The following ITSN2 variants were observed in gnomAD, a reference collection of about 807,000 sequenced individuals.
ITSN2 encodes the protein intersectin-2.
In ITSN2, 156 loss-of-function variants were observed where a neutral mutation model predicts 243.7. The observed-to-expected ratio is 0.64, with a 90% confidence interval of 0.56 to 0.73. ITSN2 has a LOEUF of 0.73. ITSN2 is among the 30% of genes least tolerant of loss of function. The pLI is 0.00. For synonymous variants in ITSN2, 703 were observed against 699.9 expected (o/e 1.00, Z -0.07); for missense variants, 1,801 against 1,996.1 (o/e 0.90, Z 1.86).
rs956324265 is a variant in ITSN2 at position 24,335,028 on chromosome 2, A to T, written c.-33-6913T>A. The T allele has an allele frequency of 1.5e-3, 270 of 174,302 alleles. 3 individuals are homozygous for T. The highest frequency in any genetic ancestry group is 7.3e-3 in the African/African-American group (267 of 36,428). 10.8% of individuals were successfully genotyped at this position (174,302 alleles called of 1,614,324 possible). ...CAGTGAGCCGAGATCGCGCCACTGC[A>T]CTCCAGCCTGGGCGACAGAGCGAGA... On this transcript the variant is annotated intron_variant, in intron 1 of 39. Coordinates refer to ENST00000355123, the MANE Select transcript of ITSN2 (RefSeq NM_006277.3).
chr2:24,279,965 C>T (rs1678558907), intron 17 of ITSN2, among the ~76,000 whole-genome samples: 1 of 152,032 alleles, frequency 6.6e-6, no homozygotes, highest in Non-Finnish European at 1.5e-5. Context: ...AACTCCTGAT[C>T]TCATGATCCA....
intron 17 of ITSN2, among the ~76,000 whole-genome samples, chr2:24,280,896 A>G (rs77547803): frequency 0.041 from 6,169 of 152,162 alleles, 427 homozygotes; most frequent in African/African-American, 0.14. Context: ...TTAATCCATC[A>G]CTCCCATTAT....
In ITSN2 at chr2:24,356,236, A is replaced by T. The variant is rs1344656123; in HGVS notation, c.-34+4068T>A. On this transcript the variant is annotated intron_variant, in intron 1 of 39. Coordinates refer to ENST00000355123, the MANE Select transcript of ITSN2 (RefSeq NM_006277.3). The stretch of plus-strand genomic sequence containing the variant: ...AAAAAATAGCTGGACGTGGTGGCAC[A>T]TGCCTATAATCCCAGCTACTTGGGA... Among the ~76,000 whole-genome samples, 3 of 150,252 alleles carry T rather than the reference A, an allele frequency of 2.0e-5. No homozygotes were observed. In the East Asian group the frequency reaches 5.9e-4, roughly 29 times the overall value.
At chr2:24,347,579 G>C (rs541242811) in intron 1 of ITSN2, among the ~76,000 whole-genome samples, 1 of 152,220 alleles carries the variant, frequency 6.6e-6, no homozygotes, top group African/African-American at 2.4e-5. Flanking sequence ...CCAGCTACTC[G>C]GTAGGCTGAG....
At chr2:24,324,848 T>C (rs1180426322) in intron 2 of ITSN2, among the ~76,000 whole-genome samples, 2 of 52,462 alleles carry the variant, frequency 3.8e-5, no homozygotes, top group Non-Finnish European at 6.4e-5. Context: ...AGTAAGACCC[T>C]GTCTCAAAAA....
chr2:24,241,894 AG>A (rs1467408874), intron 29 of ITSN2: 1 of 152,660 alleles, frequency 6.6e-6, no homozygotes, highest in African/African-American at 2.4e-5. Context: ...CCACCACATA[AG>A]GGCAAACTCA....
chr2:24,284,241 G>A (rs923162022), intron 17 of ITSN2, among the ~76,000 whole-genome samples: 15 of 152,196 alleles, frequency 9.9e-5, no homozygotes, highest in African/African-American at 3.6e-4. Flanking sequence ...GTGCAAGCAT[G>A]TCTAAATATG....
chr2:24,297,141 T>G (rs1466418011), intron 13 of ITSN2, among the ~76,000 whole-genome samples: 1 of 152,246 alleles, frequency 6.6e-6, no homozygotes, highest in East Asian at 1.9e-4. Flanking sequence ...TCTATCCATT[T>G]GAAGGAATAA....
intron 17 of ITSN2, among the ~76,000 whole-genome samples, 197 bp downstream of exon 17, chr2:24,284,566 T>A (rs1679223265): frequency 6.6e-6 from 1 of 152,150 alleles, no homozygotes; most frequent in Non-Finnish European, 1.5e-5. Flanking sequence ...ACAGGCAACC[T>A]TACTGACTTC....
At chr2:24,233,666 C>A (rs535192729) in intron 29 of ITSN2, among the ~76,000 whole-genome samples, 1 of 152,146 alleles carries the variant, frequency 6.6e-6, no homozygotes, top group South Asian at 2.1e-4. Flanking sequence ...TAAATGTTAG[C>A]TGTTATTTCT....
Position 24,203,724 on chromosome 2 carries a change from C to CT in ITSN2, c.4995dup (p.Gly1666ArgfsTer11), listed in dbSNP as rs759053767. ...AGCAGCAGTCGGCGGGTCATAGGGC[C>CT]TTTGCTTTCCTGTTCTGTTCGAATT... On this transcript the variant is annotated frameshift_variant, in exon 40 of 40. Coordinates refer to ENST00000355123, the MANE Select transcript of ITSN2 (RefSeq NM_006277.3). LOFTEE classifies it high-confidence loss of function. 6.8e-6 allele frequency: 11 copies of CT among 1,614,200 alleles called. No homozygotes were observed. The South Asian group carries it at 1.2e-4, about 18-fold the overall frequency.
intron 18 of ITSN2, among the ~76,000 whole-genome samples, chr2:24,272,747 T>C (rs1037276546): frequency 3.3e-5 from 5 of 152,194 alleles, no homozygotes; most frequent in Non-Finnish European, 5.9e-5. Flanking sequence ...CTTTTTATAT[T>C]ATTACTTCAA....
intron 17 of ITSN2, among the ~76,000 whole-genome samples, chr2:24,281,840 T>C (rs1678820944): frequency 6.6e-6 from 1 of 152,186 alleles, no homozygotes; most frequent in Non-Finnish European, 1.5e-5. Flanking sequence ...CAACTTTCCA[T>C]CTCAAAAAAC....
chr2:24,329,572 C>T (rs1247143484), intron 1 of ITSN2, among the ~76,000 whole-genome samples: 2 of 152,114 alleles, frequency 1.3e-5, no homozygotes, highest in Non-Finnish European at 2.9e-5. Context: ...CTGCCCGTTC[C>T]ATGAATTTTG....
intron 20 of ITSN2, among the ~76,000 whole-genome samples, chr2:24,269,703 A>G (rs1375916510): frequency 6.6e-6 from 1 of 152,196 alleles, no homozygotes; most frequent in African/African-American, 2.4e-5. Context: ...CTAAATCCCT[A>G]GTCTAACATA....
intron 25 of ITSN2, among the ~76,000 whole-genome samples, chr2:24,251,120 T>C (rs1485720858): frequency 6.7e-6 from 1 of 149,146 alleles, no homozygotes; most frequent in Non-Finnish European, 1.5e-5. Flanking sequence ...AGGTTGGGAG[T>C]TCAAGACCAG....
At chr2:24,295,977 C>T (rs1408626994) in intron 13 of ITSN2, among the ~76,000 whole-genome samples, 173 bp from the exon 14 acceptor site, 3 of 152,090 alleles carry the variant, frequency 2.0e-5, no homozygotes, top group Admixed American at 6.5e-5. Context: ...TCTGTTAACT[C>T]GAGTTATTAG....
intron 37 of ITSN2, chr2:24,206,281 TA>T: frequency 9.2e-6 from 4 of 434,850 alleles, no homozygotes; most frequent in Non-Finnish European, 1.9e-5. Flanking sequence ...GAAACCTGAA[TA>T]AAAAAACACA....
In ITSN2 at chr2:24,271,734, G is replaced by A. The variant is rs367965838; in HGVS notation, c.2257+32C>T. 5.3e-5 allele frequency: 79 copies of A among 1,482,382 alleles called. 1 individual carries two copies. Among genetic ancestry groups the A allele is most frequent in the Non-Finnish European group, 6.7e-5 (75 of 1,118,022 alleles). The allele number at this position is 1,482,382 out of a possible 1,614,324, so 91.8% of individuals were successfully genotyped here. On this transcript the variant is annotated intron_variant, in intron 19 of 39. Coordinates refer to ENST00000355123, the MANE Select transcript of ITSN2 (RefSeq NM_006277.3). ...AGGTCATTTTTTTCTTGTTGCATTT[G>A]TTCTACTGTCTCAAAGTATCCTTAT...
Sources: allele counts gnomAD v4.1 joint callset (sites outside exome capture counted in the v4.1 genomes callset), GRCh38; gene constraint gnomAD v4.1.1; transcripts MANE v1.5; gene names NCBI Gene and HGNC (gene_info 2026-07-23, HGNC 2026-07-21).